DOCK1: variants seen among roughly 807,000 people sequenced by gnomAD.
DOCK1 encodes the protein dedicator of cytokinesis 1.
DOCK1 carries 138 observed loss-of-function variants against 262.7 expected under a neutral mutation model. That is an observed-to-expected ratio of 0.53 (90% CI 0.46 to 0.61). DOCK1 has a LOEUF of 0.61. Ranked by LOEUF, DOCK1 falls within the 20% of genes least tolerant of loss-of-function variation. The probability of loss-of-function intolerance (pLI) is 0.00; values close to 1 mark genes in which losing one functional copy is unlikely to be tolerated. For synonymous variants in DOCK1, 866 were observed against 867.4 expected (o/e 1.00, Z 0.03); for missense variants, 1,908 against 2,370.7 (o/e 0.80, Z 4.05).
At chr10:127,305,047 A>G (rs911532486) in intron 29 of DOCK1, among the ~76,000 whole-genome samples, 5 of 152,150 alleles carry the variant, frequency 3.3e-5, no homozygotes, top group Non-Finnish European at 5.9e-5. Flanking sequence ...AGTTCTGCCT[A>G]CAATTTTTTA....
In DOCK1 at chr10:127,442,333, G is replaced by C. The variant is rs1050866297; in HGVS notation, c.5260-1793G>C. On this transcript the variant is annotated intron_variant, in intron 49 of 51. Transcript: ENST00000623213. Reference sequence around the variant, plus strand: ...CAAACCAGCACAGCGCATCCACCAGGCCCCCAGACCCAGCCGCAGCCCCAA... The same window carrying C: ...CAAACCAGCACAGCGCATCCACCAGCCCCCCAGACCCAGCCGCAGCCCCAA... 8.5e-5 allele frequency among the ~76,000 whole-genome samples: 13 copies of C among 152,072 alleles called. No homozygotes were observed. In the South Asian group the frequency reaches 1.0e-3, roughly 12 times the overall value.
chr10:127,250,017 G>A (rs1436013859), intron 28 of DOCK1, among the ~76,000 whole-genome samples: 1 of 152,142 alleles, frequency 6.6e-6, no homozygotes, highest in East Asian at 1.9e-4. Flanking sequence ...TTTTACATTT[G>A]TAACATTTTA....
intron 1 of DOCK1, among the ~76,000 whole-genome samples, chr10:126,932,562 G>T (rs919885488): frequency 6.6e-6 from 1 of 152,152 alleles, no homozygotes; most frequent in Admixed American, 6.5e-5. Context: ...TGGCCGTGTG[G>T]GACTCTGTCT....
At chr10:127,327,446 T>C (rs537816511) in intron 29 of DOCK1, among the ~76,000 whole-genome samples, 1 of 152,256 alleles carries the variant, frequency 6.6e-6, no homozygotes, top group Admixed American at 6.5e-5. Context: ...TTCAAACTTT[T>C]CCCCTGCAGC....
chr10:126,981,632 A>G (rs564479785), intron 3 of DOCK1, among the ~76,000 whole-genome samples: 2 of 152,294 alleles, frequency 1.3e-5, no homozygotes, highest in South Asian at 2.1e-4. Flanking sequence ...ATTGAGGCCA[A>G]AAAGGTGTGA....
At chr10:127,372,897 G>C (rs977229614) in intron 33 of DOCK1, among the ~76,000 whole-genome samples, 2 of 152,162 alleles carry the variant, frequency 1.3e-5, no homozygotes, top group African/African-American at 4.8e-5. Flanking sequence ...CTTGCTACTG[G>C]CACAAGTTGA....
chr10:127,193,341 A>G (rs770921722), intron 27 of DOCK1, among the ~76,000 whole-genome samples: 1 of 152,136 alleles, frequency 6.6e-6, no homozygotes, highest in Admixed American at 6.6e-5. Context: ...TGCCTTCCCA[A>G]CTGAGCTTCT....
Position 127,450,228 on chromosome 10 carries a change from A to T in DOCK1, c.5566-1104A>T, listed in dbSNP as rs1591112829. 2.0e-5 allele frequency among the ~76,000 whole-genome samples: 3 copies of T among 152,130 alleles called. No individual in the cohort carries two copies. In the South Asian group the frequency reaches 6.2e-4, roughly 31 times the overall value. On this transcript the variant is annotated intron_variant, in intron 51 of 51. Coordinates refer to ENST00000623213, the MANE Select transcript of DOCK1 (RefSeq NM_001290223.2). ...TAAGCATTAGGTCATTTTTGTATTT[A>T]CTAGTCTGTGAATCAGGAGGAAATC... is the stretch of plus-strand genomic sequence containing the variant.
intron 21 of DOCK1, among the ~76,000 whole-genome samples, chr10:127,047,489 C>T (rs2044426535): frequency 6.6e-6 from 1 of 152,158 alleles, no homozygotes; most frequent in African/African-American, 2.4e-5. Context: ...TTTTACAAAA[C>T]AGCATTGTTA....
rs1455809841 is a variant in DOCK1 at position 127,356,606 on chromosome 10, A to G, written c.3283+1879A>G. Among the ~76,000 whole-genome samples, 3 of 152,088 alleles carry G rather than the reference A, an allele frequency of 2.0e-5. No homozygotes were observed. In the East Asian group the frequency reaches 5.8e-4, roughly 29 times the overall value. On this transcript the variant is annotated intron_variant, in intron 32 of 51. Coordinates refer to ENST00000623213, the MANE Select transcript of DOCK1 (RefSeq NM_001290223.2). ...CCAGGCAGGGACCCAGTGTGGTCCC[A>G]TGAGAGAGAGAGAGAGGCAGGAGAC...
At chr10:127,220,045 T>G (rs2058367576) in intron 27 of DOCK1, among the ~76,000 whole-genome samples, 1 of 152,058 alleles carries the variant, frequency 6.6e-6, no homozygotes, top group South Asian at 2.1e-4. Flanking sequence ...GAGCATGAGT[T>G]CAAAATCAAT....
rs1406746681 is a variant in DOCK1 at position 127,403,657 on chromosome 10, G to T, written c.4017+513G>T. On this transcript the variant is annotated intron_variant, in intron 39 of 51. Coordinates refer to ENST00000623213, the MANE Select transcript of DOCK1 (RefSeq NM_001290223.2). The stretch of plus-strand genomic sequence containing the variant: ...GCCTGTAGTCCTGGCTACTTGGGAG[G>T]CTGAGGCTGGAGAATCGCTTGAACC... Among the ~76,000 whole-genome samples the T allele has an allele frequency of 2.0e-5, 3 of 152,316 alleles. No individual in the cohort carries two copies. In the East Asian group the frequency reaches 5.8e-4, roughly 29 times the overall value.
chr10:127,294,416 G>A (rs768081029), intron 29 of DOCK1, among the ~76,000 whole-genome samples: 1 of 152,042 alleles, frequency 6.6e-6, no homozygotes, highest in Non-Finnish European at 1.5e-5. Context: ...CCGCCTCCCA[G>A]GTTCAAGCAA....
At position 127,012,251 on chromosome 10, in the gene DOCK1, A is replaced by G. The variant is rs1434518593; in HGVS notation, c.1078A>G (p.Ile360Val). ...PFQPLALDDA[I>V]RHKPLNMSSR... ...CTCCAGGCTCGCGTTGGACGACGCC[A>G]TTCGACACAAGCCGCTGAACATGTC... Residue 360 changes from isoleucine to valine, a missense_variant, in exon 12 of 52, where the codon ATT (isoleucine) becomes GTT (valine). By Grantham distance (29) the Ile-to-Val change is conservative. Around this residue, in one of 9 missense-constraint regions of DOCK1, gnomAD observed 57 missense variants for 39.7 expected, o/e 1.44. Coordinates refer to ENST00000623213, the MANE Select transcript of DOCK1 (RefSeq NM_001290223.2). This position sits in a 1 kb window ranked among gnomAD's most constrained non-coding sequence, Gnocchi z 4.0. The G allele has an allele frequency of 1.8e-5, 29 of 1,608,582 alleles. No individual in the cohort carries two copies. The highest frequency in any genetic ancestry group is 2.5e-5 in the Non-Finnish European group (29 of 1,175,092).
At chr10:127,331,046 C>T (rs2062956019) in intron 29 of DOCK1, among the ~76,000 whole-genome samples, 1 of 151,898 alleles carries the variant, frequency 6.6e-6, no homozygotes, top group South Asian at 2.1e-4. Context: ...GGCAAGCTGT[C>T]ACGTGGAAAC....
intron 31 of DOCK1, among the ~76,000 whole-genome samples, chr10:127,350,492 T>C (rs1273813452): frequency 1.3e-5 from 2 of 152,234 alleles, no homozygotes; most frequent in African/African-American, 4.8e-5. Flanking sequence ...GCAAATATTA[T>C]TGTCCTAGAG....
intron 10 of DOCK1, among the ~76,000 whole-genome samples, chr10:127,005,334 A>AAC (rs2040933635): frequency 8.5e-6 from 1 of 118,210 alleles, no homozygotes; most frequent in Non-Finnish European, 2.0e-5. Flanking sequence ...ACTCAAAAAG[A>AAC]AAAAAAAAAG....
chr10:127,241,061 C>T (rs2059245996), intron 27 of DOCK1, among the ~76,000 whole-genome samples: 2 of 152,174 alleles, frequency 1.3e-5, no homozygotes, highest in Non-Finnish European at 2.9e-5. Context: ...CGGTGGCTCA[C>T]GCCTGTAATC....
chr10:127,088,133 C>T (rs1294033894), intron 23 of DOCK1, among the ~76,000 whole-genome samples: 1 of 152,150 alleles, frequency 6.6e-6, no homozygotes, highest in Non-Finnish European at 1.5e-5. Flanking sequence ...AGTTCGCTGC[C>T]ACCAAGGGCC....
Sources: gnomAD v4.1 joint callset for allele counts (sites outside exome capture counted in the v4.1 genomes callset) on GRCh38, gnomAD v4.1.1 for gene constraint, gnomAD v4.1.1 regional missense constraint, Gnocchi (gnomAD v3.1) non-coding constraint, MANE v1.5 for transcripts, NCBI Gene and HGNC (gene_info 2026-07-23, HGNC 2026-07-21) for gene names.